Variants in ZCCHC8 observed in about 807,000 individuals in gnomAD.
ZCCHC8 encodes zinc finger CCHC-type containing 8.
In ZCCHC8, 27 loss-of-function variants were observed where a neutral mutation model predicts 70.6. The ratio of observed to expected loss-of-function variants is 0.38; its 90% CI spans 0.28 to 0.53. ZCCHC8 has a LOEUF of 0.53. Among genes scored for constraint, ZCCHC8 ranks in the 20% least tolerant of loss-of-function variants. The pLI is 0.81. For synonymous variants in ZCCHC8, 293 were observed against 317.4 expected, an observed-to-expected ratio of 0.92 and a Z score of 0.82; for missense variants, 737 against 876.9, an observed-to-expected ratio of 0.84 and a Z score of 2.01.
chr12:122,480,605 G>T (rs1169208511), intron 10 of ZCCHC8: 4 of 221,486 alleles, frequency 1.8e-5, no homozygotes, highest in Non-Finnish European at 3.5e-5. Flanking sequence ...CTAAATAGCT[G>T]GTACTACATG....
rs994788041 is a variant in ZCCHC8, at chr12:122,479,675, A to G, written c.1140+515T>C. 3.3e-5 allele frequency among the ~76,000 whole-genome samples: 5 copies of G among 152,232 alleles called. No individual in the cohort carries two copies. The East Asian group carries it at 9.6e-4, about 29-fold the overall frequency. On this transcript the variant is annotated intron_variant, in intron 11 of 13. Coordinates refer to ENST00000633063, the MANE Select transcript of ZCCHC8 (RefSeq NM_017612.5). ...GAGTACTTTTAGATTTAGATACTCT[A>G]ACCAATCTATTTTGGCTCCCTTTCT... is the stretch of plus-strand genomic sequence containing the variant.
chr12:122,477,866 A>C lies in ZCCHC8; in HGVS notation c.1320T>G (p.Ser440=), dbSNP rs760438132. Residue 440 remains serine (S), a synonymous_variant, in exon 13 of 14, where the codon TCT becomes TCG. Transcript: ENST00000633063. ...CTGAATCGAGCTCCATGTCGGCGGGAGATCCCGCTGAGTTGCTTTCATTCT... is the reference window on the plus strand; with the variant it reads ...CTGAATCGAGCTCCATGTCGGCGGGCGATCCCGCTGAGTTGCTTTCATTCT... The part of the protein sequence containing the change: ...KQKNESNSAG[S]PADMELDSDM... 4 of 1,612,554 alleles carry C rather than the reference A, an allele frequency of 2.5e-6. No individual in the cohort carries two copies. The South Asian group carries it at 4.4e-5, about 18-fold the overall frequency.
chr12:122,476,785 G>A (rs1434372849), intron 13 of ZCCHC8, among the ~76,000 whole-genome samples: 1 of 152,102 alleles, frequency 6.6e-6, no homozygotes. Flanking sequence ...CACTTTGGGA[G>A]GTGGAGGCGG....
intron 5 of ZCCHC8, among the ~76,000 whole-genome samples, chr12:122,486,049 C>G (rs1278900297): frequency 6.6e-6 from 1 of 152,144 alleles, no homozygotes; most frequent in African/African-American, 2.4e-5. Context: ...ACAATAACTT[C>G]CTAACTGGTT....
intron 2 of ZCCHC8, among the ~76,000 whole-genome samples, chr12:122,496,162 G>A (rs1031729106): frequency 4.2e-5 from 3 of 72,150 alleles, no homozygotes; most frequent in Middle Eastern, 0.01. Context: ...GTGAGAAATT[G>A]TCTCAAAAAA....
intron 13 of ZCCHC8, among the ~76,000 whole-genome samples, chr12:122,475,189 A>T (rs182641262): frequency 1.3e-5 from 2 of 151,316 alleles, no homozygotes; most frequent in African/African-American, 4.9e-5. Context: ...CTGGGATTAC[A>T]GCGCACGCCA....
In ZCCHC8 at chr12:122,474,280, A is replaced by G; in HGVS notation, c.1346-5T>C. On this transcript the variant is annotated splice_region_variant and splice_polypyrimidine_tract_variant and intron_variant, in intron 13 of 13. Coordinates refer to ENST00000633063, the MANE Select transcript of ZCCHC8 (RefSeq NM_017612.5). ...AACCATGTGGTACCTCCATATCTGA[A>G]GTAAGAAAGTTAAGAGATACTTTAG... The G allele has an allele frequency of 7.2e-7, 1 of 1,387,134 alleles. No individual in the cohort carries two copies. The highest frequency in any genetic ancestry group is 1.5e-5 in the African/African-American group (1 of 67,468). 85.9% of individuals were successfully genotyped at this position (1,387,134 alleles called of 1,614,324 possible).
intron 3 of ZCCHC8, among the ~76,000 whole-genome samples, chr12:122,491,770 T>C (rs1187061282): frequency 1.3e-5 from 2 of 150,352 alleles, no homozygotes; most frequent in Non-Finnish European, 3.0e-5. Context: ...GGAGGTTGTG[T>C]TGGGCCAAGA....
Position 122,471,699 on chromosome 12 carries a change from TA to T in ZCCHC8, c.*1797del, listed in dbSNP as rs1473544345. 6.6e-6 allele frequency: 1 copy of T among 152,228 alleles called. No homozygotes were observed. The highest frequency in any genetic ancestry group is 2.4e-5 in the African/African-American group (1 of 41,464). The allele number at this position is 152,228 out of a possible 1,614,324, so 9.4% of individuals were successfully genotyped here. ...TTTCTAGCACATTCTGTGAGGGCTT[TA>T]AAAAGAAATTTCTCTCTTTATAATT... On this transcript the variant is annotated 3_prime_UTR_variant, in exon 14 of 14. Coordinates refer to ENST00000633063, the MANE Select transcript of ZCCHC8 (RefSeq NM_017612.5).
chr12:122,487,854 CA>C (rs1292973636), intron 5 of ZCCHC8, among the ~76,000 whole-genome samples: 2 of 151,752 alleles, frequency 1.3e-5, no homozygotes, highest in Non-Finnish European at 2.9e-5. Context: ...TGTATCTATA[CA>C]TACATATATA....
Position 122,474,160 on chromosome 12 carries a change from T to A in ZCCHC8, c.1461A>T (p.Pro487=). Residue 487 remains proline (P), a synonymous_variant, in exon 14 of 14, where the codon CCA becomes CCT. Transcript: ENST00000633063. ...TCAGCGGCGGGGTGCCCTTTGGGAG[T>A]GGAGGGGTGAAGACGGGTGGAGGAG... ...RGTPPPVFTP[P]LPKGTPPLTP... is the part of the protein sequence containing the mutation. 6.6e-7 allele frequency: 1 copy of A among 1,511,630 alleles called. No individual in the cohort carries two copies. Among genetic ancestry groups the A allele is most frequent in the Non-Finnish European group, 8.8e-7 (1 of 1,136,948 alleles). 93.6% of individuals were successfully genotyped at this position (1,511,630 alleles called of 1,614,324 possible). A position where few individuals can be genotyped will look rare whatever the true frequency, so the allele number is the denominator to read the frequency against.
chr12:122,492,872 T>A, intron 2 of ZCCHC8, 83 bp from the exon 3 acceptor site: 1 of 930,810 alleles, frequency 1.1e-6, no homozygotes, highest in Non-Finnish European at 1.6e-6. Context: ...ACTTTTATAC[T>A]TTTTTTTTCC....
chr12:122,480,360 T>C, intron 10 of ZCCHC8, 49 bp from the exon 11 acceptor site: 2 of 1,484,952 alleles, frequency 1.3e-6, no homozygotes, highest in South Asian at 2.9e-5. Context: ...TCAATATATA[T>C]CCCTCCCCAG....
Position 122,500,651 on chromosome 12 carries a change from G to A in ZCCHC8, c.190C>T (p.Arg64Cys), listed in dbSNP as rs747147354. ...CGAGAGGAAAGGATATTCTCGGCGC[G>A]GAGCTGCTCGATGGTCTCCTCGCAC... is the stretch of plus-strand genomic sequence containing the variant. The part of the protein sequence containing the change: ...RQCEETIEQL[R>C]AENQELKRKL... The change falls in exon 1 of 14, where the codon CGC (arginine) becomes TGC (cysteine). Residue 64 changes from arginine to cysteine, a missense_variant. Transcript: ENST00000633063. This position sits in a 1 kb window ranked among gnomAD's most constrained non-coding sequence, Gnocchi z 4.8. 6.4e-6 allele frequency: 10 copies of A among 1,573,280 alleles called. No homozygotes were observed. The Admixed American group carries it at 1.3e-4, about 20-fold the overall frequency.
chr12:122,477,215 C>T (rs537263492), intron 13 of ZCCHC8, among the ~76,000 whole-genome samples: 151 of 147,094 alleles, frequency 1.0e-3, no homozygotes, highest in Non-Finnish European at 1.6e-3. Flanking sequence ...AGTGCAGTGG[C>T]GTGATCTCGG....
intron 3 of ZCCHC8, 112 bp from the exon 4 acceptor site, chr12:122,490,679 G>T: frequency 1.7e-6 from 1 of 594,876 alleles, no homozygotes; most frequent in South Asian, 2.7e-5. Flanking sequence ...TTTTTCAGAA[G>T]TTTAATAAAT....
At position 122,483,639 on chromosome 12, in the gene ZCCHC8, C is replaced by A. The variant is rs1957579931; in HGVS notation, c.502-76G>T. ...TTAAATAATGTAAGATTATGATTAA[C>A]TGTTTTAACAATTTATTTTTGGATG... On this transcript the variant is annotated intron_variant, in intron 5 of 13. Coordinates refer to ENST00000633063, the MANE Select transcript of ZCCHC8 (RefSeq NM_017612.5). The surrounding 1 kb of genome is among the most constrained non-coding windows in gnomAD (Gnocchi z 4.4). 2 of 1,145,180 alleles carry A rather than the reference C, an allele frequency of 1.7e-6. No homozygotes were observed. Among genetic ancestry groups the A allele is most frequent in the Non-Finnish European group, 2.5e-6 (2 of 801,620 alleles). 70.9% of individuals were successfully genotyped at this position (1,145,180 alleles called of 1,614,324 possible).
rs75644146 is a variant in ZCCHC8 at position 122,498,604 on chromosome 12, T to C, written c.242+223A>G. ...TAAACATTTTCTGGATTTTGTTTCATCCTTTCATCCAATAAATGAGCTTAC... is the reference window on the plus strand; with the variant it reads ...TAAACATTTTCTGGATTTTGTTTCACCCTTTCATCCAATAAATGAGCTTAC... On this transcript the variant is annotated intron_variant, in intron 2 of 13. Transcript: ENST00000633063. Among the ~76,000 whole-genome samples the C allele has an allele frequency of 0.017, 2,589 of 152,310 alleles. 73 individuals carry two copies. Among genetic ancestry groups the C allele is most frequent in the African/African-American group, 0.053 (2,223 of 41,560 alleles).
At chr12:122,477,807 A>AAAG (rs1957448808) in intron 13 of ZCCHC8, 34 bp downstream of exon 13, 2 of 1,461,466 alleles carry the variant, frequency 1.4e-6, no homozygotes, top group African/African-American at 1.4e-5. Flanking sequence ...AAAAAAAAAA[A>AAAG]AGAGAGAAAT....
Sources: gnomAD v4.1 joint callset for allele counts (sites outside exome capture counted in the v4.1 genomes callset) on GRCh38, gnomAD v4.1.1 for gene constraint, Gnocchi (gnomAD v3.1) non-coding constraint, MANE v1.5 for transcripts, NCBI Gene and HGNC (gene_info 2026-07-23, HGNC 2026-07-21) for gene names.